KIRREL3: variants seen among roughly 807,000 people sequenced by gnomAD.
KIRREL3 encodes kirre like nephrin family adhesion molecule 3.
Under a neutral mutation model 89.7 loss-of-function variants are expected in KIRREL3, and 36 were observed. That is an observed-to-expected ratio of 0.40 (90% CI 0.31 to 0.53). KIRREL3 has a LOEUF of 0.53. Ranked by LOEUF, KIRREL3 falls within the 20% of genes least tolerant of loss-of-function variation. The probability of loss-of-function intolerance (pLI) is 0.49; values close to 1 mark genes in which losing one functional copy is unlikely to be tolerated. For synonymous variants in KIRREL3, 445 were observed against 441.4 expected (o/e 1.01, Z -0.10); for missense variants, 864 against 1,056.6 (o/e 0.82, Z 2.53).
chr11:126,658,513 C>A (rs1945255943), intron 1 of KIRREL3, among the ~76,000 whole-genome samples: 1 of 152,190 alleles, frequency 6.6e-6, no homozygotes, highest in Non-Finnish European at 1.5e-5. Context: ...AGCCTAATAA[C>A]CTCAGTAAGG....
intron 1 of KIRREL3, among the ~76,000 whole-genome samples, chr11:126,942,710 A>T (rs1948493390): frequency 6.6e-6 from 1 of 152,196 alleles, no homozygotes; most frequent in Non-Finnish European, 1.5e-5. Flanking sequence ...AGGTCTGAAC[A>T]TGCTGGCCTT....
chr11:126,860,817 A>T lies in KIRREL3; in HGVS notation c.55+139638T>A, dbSNP rs1189448603. Among the ~76,000 whole-genome samples, 2 of 152,190 alleles carry T rather than the reference A, an allele frequency of 1.3e-5. No individual in the cohort carries two copies. Among genetic ancestry groups the T allele is most frequent in the Non-Finnish European group, 2.9e-5 (2 of 68,036 alleles). Reference sequence around the variant, plus strand: ...AGGAGAGGGCAGAGGTACAAATGCAAGATGGCACCCGTGGACACATTGAAA... The same window carrying T: ...AGGAGAGGGCAGAGGTACAAATGCATGATGGCACCCGTGGACACATTGAAA... On this transcript the variant is annotated intron_variant, in intron 1 of 16. Coordinates refer to ENST00000525144, the MANE Select transcript of KIRREL3 (RefSeq NM_032531.4). This position sits in a 1 kb window ranked among gnomAD's most constrained non-coding sequence, Gnocchi z 4.6.
Position 126,642,457 on chromosome 11 carries a change from C to T in KIRREL3, c.56-79545G>A, listed in dbSNP as rs115651980. On this transcript the variant is annotated intron_variant, in intron 1 of 16. Coordinates refer to ENST00000525144, the MANE Select transcript of KIRREL3 (RefSeq NM_032531.4). This position sits in a 1 kb window ranked among gnomAD's most constrained non-coding sequence, Gnocchi z 4.9. ...AAAGCACATTACAATGTGGCCTAGC[C>T]CAAGCTAGACTCACTAGAAATGTTA... 0.015 allele frequency among the ~76,000 whole-genome samples: 2,331 copies of T among 152,280 alleles called. 70 individuals are homozygous for T. Among genetic ancestry groups the T allele is most frequent in the African/African-American group, 0.052 (2,168 of 41,528 alleles).
At chr11:126,673,084 A>AC (rs1190811664) in intron 1 of KIRREL3, among the ~76,000 whole-genome samples, 1 of 152,214 alleles carries the variant, frequency 6.6e-6, no homozygotes, top group African/African-American at 2.4e-5. Context: ...AAGCAGGAAT[A>AC]CAGTTGAGGG....
In KIRREL3 at chr11:126,867,448, G is replaced by A. The variant is rs1203116590; in HGVS notation, c.55+133007C>T. ...TCTCCCACTTCCAAAACTCTTTCAA[G>A]GACCAACCTAACACCCACTCCATCT... is the stretch of plus-strand genomic sequence containing the variant. On this transcript the variant is annotated intron_variant, in intron 1 of 16. Transcript: ENST00000525144. This position sits in a 1 kb window ranked among gnomAD's most constrained non-coding sequence, Gnocchi z 4.7. Among the ~76,000 whole-genome samples the A allele has an allele frequency of 6.6e-6, 1 of 152,100 alleles. No homozygotes were observed. Among genetic ancestry groups the A allele is most frequent in the Admixed American group, 6.5e-5 (1 of 15,276 alleles).
rs1478868409 is a variant in KIRREL3 at position 126,995,806 on chromosome 11, T to G, written c.55+4649A>C. Among the ~76,000 whole-genome samples the G allele has an allele frequency of 6.6e-6, 1 of 152,172 alleles. No homozygotes were observed. Among genetic ancestry groups the G allele is most frequent in the East Asian group, 1.9e-4 (1 of 5,194 alleles). On this transcript the variant is annotated intron_variant, in intron 1 of 16. Coordinates refer to ENST00000525144, the MANE Select transcript of KIRREL3 (RefSeq NM_032531.4). The surrounding 1 kb of genome is among the most constrained non-coding windows in gnomAD (Gnocchi z 6.5). Reference sequence around the variant, plus strand: ...GCTGCCTAAGTCATCCCCACTGGGCTGAACAAAAAAGAAAAACTGCATCTT... The same window carrying G: ...GCTGCCTAAGTCATCCCCACTGGGCGGAACAAAAAAGAAAAACTGCATCTT...
At position 126,768,225 on chromosome 11, in the gene KIRREL3, T is replaced by C. The variant is rs139641555; in HGVS notation, c.56-205313A>G. Among the ~76,000 whole-genome samples, 842 of 131,892 alleles carry C rather than the reference T, an allele frequency of 6.4e-3. 12 individuals are homozygous for C. Among genetic ancestry groups the C allele is most frequent in the African/African-American group, 0.024 (786 of 32,900 alleles). The allele number at this position is 131,892 out of a possible 152,430, so 86.5% of individuals were successfully genotyped here. A position where few individuals can be genotyped will look rare whatever the true frequency, so the allele number is the denominator to read the frequency against. On this transcript the variant is annotated intron_variant, in intron 1 of 16. Transcript: ENST00000525144. The surrounding 1 kb of genome is among the most constrained non-coding windows in gnomAD (Gnocchi z 4.5). ...TCCATCCATCCATCCATCCATCCATTCAATCTGTCCATCTGTCCATCCATA... is the reference window on the plus strand; with the variant it reads ...TCCATCCATCCATCCATCCATCCATCCAATCTGTCCATCTGTCCATCCATA...
rs541207707 is a variant in KIRREL3, at chr11:126,686,985, C to G, written c.56-124073G>C. ...TCAGAAGGCCTGACAGAGATGACAT[C>G]CCTGGAACTGCAGTAGAGGAGTATG... On this transcript the variant is annotated intron_variant, in intron 1 of 16. Coordinates refer to ENST00000525144, the MANE Select transcript of KIRREL3 (RefSeq NM_032531.4). The surrounding 1 kb of genome is among the most constrained non-coding windows in gnomAD (Gnocchi z 4.7). Among the ~76,000 whole-genome samples the G allele has an allele frequency of 1.3e-5, 2 of 152,248 alleles. No homozygotes were observed. The highest frequency in any genetic ancestry group is 2.4e-5 in the African/African-American group (1 of 41,528).
At chr11:126,957,522 C>T (rs1425496135) in intron 1 of KIRREL3, among the ~76,000 whole-genome samples, 1 of 152,214 alleles carries the variant, frequency 6.6e-6, no homozygotes, top group Non-Finnish European at 1.5e-5. Context: ...ACCTGATATT[C>T]AGCGTCCTCA....
At chr11:126,790,412 G>T (rs944210367) in intron 1 of KIRREL3, among the ~76,000 whole-genome samples, 1 of 152,156 alleles carries the variant, frequency 6.6e-6, no homozygotes, top group Non-Finnish European at 1.5e-5. Context: ...TGATGACATT[G>T]GTCATCGAAG....
intron 1 of KIRREL3, among the ~76,000 whole-genome samples, chr11:126,893,127 A>G (rs1049076942): frequency 6.6e-6 from 1 of 152,232 alleles, no homozygotes; most frequent in Non-Finnish European, 1.5e-5. Flanking sequence ...ATTCATACAA[A>G]TAAATGCATG....
chr11:126,852,948 T>C (rs1263206443), intron 1 of KIRREL3, among the ~76,000 whole-genome samples: 4 of 152,212 alleles, frequency 2.6e-5, no homozygotes, highest in African/African-American at 9.6e-5. Context: ...CTGTGTCATT[T>C]GCCGAGTTCC....
intron 1 of KIRREL3, among the ~76,000 whole-genome samples, chr11:126,741,615 A>G (rs1013516427): frequency 7.2e-5 from 11 of 152,226 alleles, no homozygotes; most frequent in Non-Finnish European, 1.2e-4. Flanking sequence ...GAGAGTTTAA[A>G]AAGCACATAG....
chr11:126,900,063 G>C lies in KIRREL3; in HGVS notation c.55+100392C>G, dbSNP rs11220652. On this transcript the variant is annotated intron_variant, in intron 1 of 16. Coordinates refer to ENST00000525144, the MANE Select transcript of KIRREL3 (RefSeq NM_032531.4). The surrounding 1 kb of genome is among the most constrained non-coding windows in gnomAD (Gnocchi z 4.4). Reference sequence around the variant, plus strand: ...GGTTGTTTTGTAAAAGGAATAGCTAGCTGGTGGGTCACTTCCTCTGCTCTC... The same window carrying C: ...GGTTGTTTTGTAAAAGGAATAGCTACCTGGTGGGTCACTTCCTCTGCTCTC... 0.068 allele frequency among the ~76,000 whole-genome samples: 10,317 copies of C among 152,224 alleles called. 1,184 individuals are homozygous for C. The highest frequency in any genetic ancestry group is 0.23 in the African/African-American group (9,703 of 41,486).
In KIRREL3 at chr11:126,783,046, A is replaced by C. The variant is rs1317193407; in HGVS notation, c.55+217409T>G. Among the ~76,000 whole-genome samples the C allele has an allele frequency of 1.3e-5, 2 of 152,212 alleles. No homozygotes were observed. Among genetic ancestry groups the C allele is most frequent in the Non-Finnish European group, 2.9e-5 (2 of 68,032 alleles). ...AGTGCTCTGTGCTAGTTTCCTAGAG[A>C]TGTCATAACAAATAACTACAACTGG... is the stretch of plus-strand genomic sequence containing the variant. On this transcript the variant is annotated intron_variant, in intron 1 of 16. Coordinates refer to ENST00000525144, the MANE Select transcript of KIRREL3 (RefSeq NM_032531.4). This position sits in a 1 kb window ranked among gnomAD's most constrained non-coding sequence, Gnocchi z 4.3.
chr11:126,425,116 G>A, intron 16 of KIRREL3, 93 bp from the exon 17 acceptor site: 2 of 1,207,120 alleles, frequency 1.7e-6, no homozygotes, highest in African/African-American at 1.5e-5. Flanking sequence ...CTTATGCGGG[G>A]AGGGAAGAGG....
At chr11:126,846,515 G>A (rs1944148108) in intron 1 of KIRREL3, among the ~76,000 whole-genome samples, 1 of 152,116 alleles carries the variant, frequency 6.6e-6, no homozygotes, top group East Asian at 1.9e-4. Flanking sequence ...AAGATTGTTG[G>A]TAAAATAAAG....
intron 1 of KIRREL3, among the ~76,000 whole-genome samples, chr11:126,626,042 A>C (rs1166503838): frequency 4.6e-5 from 7 of 152,172 alleles, no homozygotes; most frequent in African/African-American, 1.4e-4. Flanking sequence ...AAGTTTATTC[A>C]CTGAATGGAT....
At chr11:126,935,377 A>G (rs1948142085) in intron 1 of KIRREL3, 1 of 152,016 alleles carries the variant, frequency 6.6e-6, no homozygotes, top group South Asian at 2.1e-4. Flanking sequence ...TCTCCTTGGT[A>G]TTTATCCAAA....
Sources: gnomAD v4.1 joint callset for allele counts (sites outside exome capture counted in the v4.1 genomes callset) on GRCh38, gnomAD v4.1.1 for gene constraint, Gnocchi (gnomAD v3.1) non-coding constraint, MANE v1.5 for transcripts, NCBI Gene and HGNC (gene_info 2026-07-23, HGNC 2026-07-21) for gene names.